Variants in SGK3 observed in about 807,000 individuals in gnomAD.
SGK3 encodes serum/glucocorticoid regulated kinase family member 3.
Under a neutral mutation model 68.5 loss-of-function variants are expected in SGK3, and 47 were observed. The observed-to-expected ratio is 0.69, with a 90% confidence interval of 0.54 to 0.87. The LOEUF is 0.87. SGK3 is among the 40% of genes least tolerant of loss of function. The probability of loss-of-function intolerance (pLI) is 0.00; values close to 1 mark genes in which losing one functional copy is unlikely to be tolerated. For missense variants in SGK3, 479 were observed against 575.5 expected (o/e 0.83, Z 1.72); for synonymous variants, 181 against 189.1 (o/e 0.96, Z 0.35).
chr8:66,745,966 G>A (rs1805644177), intron 1 of SGK3, among the ~76,000 whole-genome samples: 1 of 152,184 alleles, frequency 6.6e-6, no homozygotes. Flanking sequence ...AGGGGATTAA[G>A]TTTCAACTTG....
At chr8:66,827,967 C>CA (rs1809132880) in intron 6 of SGK3, among the ~76,000 whole-genome samples, 1 of 151,682 alleles carries the variant, frequency 6.6e-6, no homozygotes, top group Admixed American at 6.6e-5. Context: ...ACTAAAAATA[C>CA]AAAAAAATTA....
chr8:66,834,638 C>T (rs945768833), intron 8 of SGK3, among the ~76,000 whole-genome samples: 2 of 151,966 alleles, frequency 1.3e-5, no homozygotes, highest in Non-Finnish European at 2.9e-5. Flanking sequence ...CAACAAAGTG[C>T]ACTCCTGTAA....
intron 1 of SGK3, among the ~76,000 whole-genome samples, chr8:66,787,651 G>A (rs1037022946): frequency 2.0e-5 from 3 of 152,196 alleles, no homozygotes; most frequent in Non-Finnish European, 2.9e-5. Context: ...GCAATGGGAC[G>A]ATTGGGAAAG....
chr8:66,859,729 A>G lies in SGK3; in HGVS notation c.*148A>G, dbSNP rs1810683545. 3 of 952,474 alleles carry G rather than the reference A, an allele frequency of 3.1e-6. No homozygotes were observed. The highest frequency in any genetic ancestry group is 7.2e-5 in the Admixed American group (2 of 27,744). 59.0% of individuals were successfully genotyped at this position (952,474 alleles called of 1,614,324 possible). On this transcript the variant is annotated 3_prime_UTR_variant, in exon 17 of 17. Coordinates refer to ENST00000521198, the MANE Select transcript of SGK3 (RefSeq NM_001033578.3). ...ACTATGAAAAAATGTATTTTCTTCT[A>G]TGTGCAAGAAAAATAGGGCATTTCA...
chr8:66,831,301 G>A lies in SGK3; in HGVS notation c.515G>A (p.Ser172Asn). The change falls in exon 8 of 17, where the codon AGC becomes AAC. Residue 172 changes from serine (S) to asparagine (N), a missense_variant. This residue lies in a region of SGK3 where 298 missense variants were observed against 329.4 expected (regional missense o/e 0.90). Coordinates refer to ENST00000521198, the MANE Select transcript of SGK3 (RefSeq NM_001033578.3). Reference sequence around the variant, plus strand: ...TTCTTAAAAGTTATTGGAAAAGGCAGCTTTGGCAAGGTAAGAGTGTTTTGT... The same window carrying A: ...TTCTTAAAAGTTATTGGAAAAGGCAACTTTGGCAAGGTAAGAGTGTTTTGT... ...FDFLKVIGKG[S>N]FGKVLLAKRK... The A allele has an allele frequency of 6.2e-7, 1 of 1,613,632 alleles. No homozygotes were observed. The highest frequency in any genetic ancestry group is 8.5e-7 in the Non-Finnish European group (1 of 1,179,910).
At chr8:66,827,622 T>A (rs1295400343) in intron 6 of SGK3, among the ~76,000 whole-genome samples, 2 of 152,154 alleles carry the variant, frequency 1.3e-5, no homozygotes, top group East Asian at 3.8e-4. Flanking sequence ...TGATCACTGA[T>A]AGGATTACTA....
At chr8:66,789,958 G>A (rs1445266188) in intron 1 of SGK3, among the ~76,000 whole-genome samples, 1 of 152,016 alleles carries the variant, frequency 6.6e-6, no homozygotes, top group Admixed American at 6.6e-5. Flanking sequence ...CATGCCTGTG[G>A]TCCCAGCTAC....
intron 1 of SGK3, among the ~76,000 whole-genome samples, chr8:66,776,858 T>C (rs1806732357): frequency 6.6e-6 from 1 of 152,230 alleles, no homozygotes; most frequent in Non-Finnish European, 1.5e-5. Flanking sequence ...CTTCTTAAGC[T>C]TTGTACAAAC....
chr8:66,806,436 C>T (rs1808166892), intron 4 of SGK3, among the ~76,000 whole-genome samples: 1 of 152,152 alleles, frequency 6.6e-6, no homozygotes, highest in South Asian at 2.1e-4. Context: ...TGAGTTGGCA[C>T]AACAAAGCCA....
Position 66,804,416 on chromosome 8 carries a change from C to T in SGK3, c.222C>T (p.Ala74=). 1 of 1,612,060 alleles carries T rather than the reference C, an allele frequency of 6.2e-7. No individual in the cohort carries two copies. Among genetic ancestry groups the T allele is most frequent in the South Asian group, 1.1e-5 (1 of 90,736 alleles). The change falls in exon 4 of 17, where the codon GCC becomes GCT. Residue 74 remains alanine (A), a synonymous_variant. Coordinates refer to ENST00000521198, the MANE Select transcript of SGK3 (RefSeq NM_001033578.3). ...QFPAMALKIP[A]KRIFGDNFDP... ...CTGCTATGGCCCTGAAGATTCCTGC[C>T]AAGAGAATATTTGGTGATAATTTTG...
At chr8:66,767,184 T>G (rs1271211964) in intron 1 of SGK3, among the ~76,000 whole-genome samples, 1 of 152,246 alleles carries the variant, frequency 6.6e-6, no homozygotes, top group Non-Finnish European at 1.5e-5. Flanking sequence ...TCTATTTATC[T>G]GTTCTTCATT....
intron 1 of SGK3, among the ~76,000 whole-genome samples, chr8:66,718,413 T>C (rs1485047006): frequency 6.6e-6 from 1 of 150,514 alleles, no homozygotes; most frequent in Non-Finnish European, 1.5e-5. Context: ...CAGATAAATA[T>C]ATATATGTGT....
Position 66,759,806 on chromosome 8 carries a change from T to C in SGK3, c.-121-33810T>C, listed in dbSNP as rs1806099901. On this transcript the variant is annotated intron_variant, in intron 1 of 16. Coordinates refer to ENST00000521198, the MANE Select transcript of SGK3 (RefSeq NM_001033578.3). ...GCCTCCCGAGTAACCAGGATGGTTT[T>C]AATCTCCTGACCTCGTGATCCACCC... Among the ~76,000 whole-genome samples, 4 of 151,954 alleles carry C rather than the reference T, an allele frequency of 2.6e-5. No homozygotes were observed. In the South Asian group the frequency reaches 8.3e-4, roughly 32 times the overall value.
intron 1 of SGK3, among the ~76,000 whole-genome samples, chr8:66,746,734 T>A (rs77176308): frequency 0.13 from 19,914 of 150,754 alleles, 2,493 homozygotes; most frequent in African/African-American, 0.33. Context: ...TTTTCTTAAT[T>A]TTTTTTTTTA....
chr8:66,828,557 A>G (rs1212536916), intron 6 of SGK3, 97 bp from the exon 7 acceptor site: 4 of 1,563,388 alleles, frequency 2.6e-6, no homozygotes, highest in Middle Eastern at 3.4e-4. Context: ...CAACAAACCA[A>G]ATATTTGTGG....
intron 8 of SGK3, among the ~76,000 whole-genome samples, chr8:66,833,076 G>A (rs546360060): frequency 3.3e-5 from 5 of 151,536 alleles, no homozygotes; most frequent in South Asian, 4.2e-4. Context: ...TGGGATCTCC[G>A]CTCACTGCAA....
intron 1 of SGK3, among the ~76,000 whole-genome samples, chr8:66,735,941 A>G (rs914941899): frequency 5.9e-5 from 9 of 152,360 alleles, no homozygotes; most frequent in Middle Eastern, 3.4e-3. Flanking sequence ...ACTGTCTTTA[A>G]AATTTACATG....
chr8:66,804,548 AG>A (rs1808074853), intron 4 of SGK3, 101 bp downstream of exon 4: 1 of 1,226,532 alleles, frequency 8.2e-7, no homozygotes, highest in Non-Finnish European at 1.1e-6. Flanking sequence ...GGACTTTAAA[AG>A]ATCTTATGCT....
intron 4 of SGK3, among the ~76,000 whole-genome samples, chr8:66,811,580 G>A (rs1303674387): frequency 1.3e-5 from 2 of 152,104 alleles, no homozygotes; most frequent in Non-Finnish European, 2.9e-5. Context: ...TTCTTATATA[G>A]GGCTTTACAT....
Sources: gnomAD v4.1 joint callset for allele counts (sites outside exome capture counted in the v4.1 genomes callset) on GRCh38, gnomAD v4.1.1 for gene constraint, gnomAD v4.1.1 regional missense constraint, MANE v1.5 for transcripts, NCBI Gene and HGNC (gene_info 2026-07-23, HGNC 2026-07-21) for gene names.